Variants in ZNF30 observed in about 807,000 individuals in gnomAD.
ZNF30 encodes the protein zinc finger protein 30, also known as zinc finger protein 30 (KOX 28).
A neutral mutation model predicts 13.2 loss-of-function variants in ZNF30; 15 were observed. That is an observed-to-expected ratio of 1.13 (90% CI 0.76 to 1.75). The LOEUF is 1.75. Ranked by LOEUF, ZNF30 falls within the 40% of genes most tolerant of loss-of-function variation. ZNF30 has a pLI of 0.00. For synonymous variants in ZNF30, 223 were observed against 256.6 expected, an observed-to-expected ratio of 0.87 and a Z score of 1.25; for missense variants, 726 against 757.0, an observed-to-expected ratio of 0.96 and a Z score of 0.48.
upstream of ZNF30, among the ~76,000 whole-genome samples, chr19:34,924,063 A>G (rs889239204): frequency 9.9e-5 from 15 of 152,040 alleles, no homozygotes; most frequent in Non-Finnish European, 2.1e-4. Context: ...GTTTGTGAGT[A>G]TCCTTCCTCC....
At position 34,928,252 on chromosome 19, in the gene ZNF30, T is replaced by TATATAG. The variant is rs1325117057; in HGVS notation, c.-65+1039_-65+1040insTAGATA. 9.1e-3 allele frequency among the ~76,000 whole-genome samples: 510 copies of TATATAG among 56,292 alleles called. 6 individuals are homozygous for TATATAG. The highest frequency in any genetic ancestry group is 0.012 in the African/African-American group (102 of 8,834). The allele number at this position is 56,292 out of a possible 152,430, so 36.9% of individuals were successfully genotyped here. A position where few individuals can be genotyped will look rare whatever the true frequency, so the allele number is the denominator to read the frequency against. ...ATATATATATATATATATATATATATATAGATAGATAGATAGATAGATACA... is the reference window on the plus strand; with the variant it reads ...ATATATATATATATATATATATATATATATAGATAGATAGATAGATAGATAGATACA... On this transcript the variant is annotated intron_variant, in intron 1 of 4. Coordinates refer to ENST00000601142, the MANE Select transcript of ZNF30 (RefSeq NM_194325.3).
At position 34,944,109 on chromosome 19, in the gene ZNF30, C is replaced by T. The variant is rs367803603; in HGVS notation, c.1143C>T (p.Phe381=). 13 of 1,613,488 alleles carry T rather than the reference C, an allele frequency of 8.1e-6. No individual in the cohort carries two copies. Among genetic ancestry groups the T allele is most frequent in the African/African-American group, 1.3e-5 (1 of 74,848 alleles). ...PYGCKECGRT[F]SRASYLVQHG... is the part of the protein sequence containing the mutation. ...GATGCAAGGAATGCGGGAGAACCTT[C>T]AGTCGTGCCTCATATCTTGTTCAAC... is the stretch of plus-strand genomic sequence containing the variant. Residue 381 remains phenylalanine (F), a synonymous_variant, in exon 5 of 5, where the codon TTC becomes TTT. Transcript: ENST00000601142.
chr19:34,933,826 GC>G, intron 4 of ZNF30, 103 bp downstream of exon 4: 1 of 779,310 alleles, frequency 1.3e-6, no homozygotes, highest in Non-Finnish European at 2.1e-6. Flanking sequence ...TCCCTTCAAA[GC>G]CCTAGGGCCT....
chr19:34,928,239 A>C (rs1305310757), intron 1 of ZNF30, among the ~76,000 whole-genome samples: 1 of 79,382 alleles, frequency 1.3e-5, no homozygotes, highest in Non-Finnish European at 2.1e-5. Context: ...ATATATATAT[A>C]TATATATATA....
chr19:34,936,834 T>C (rs551199684), intron 4 of ZNF30, among the ~76,000 whole-genome samples: 12 of 152,066 alleles, frequency 7.9e-5, no homozygotes, highest in Admixed American at 2.0e-4. Context: ...AAGTCAAGGC[T>C]GCAGTGAGCT....
Position 34,944,865 on chromosome 19 carries a change from C to T in ZNF30, c.*27C>T, listed in dbSNP as rs373618138. The T allele has an allele frequency of 3.7e-5, 57 of 1,526,014 alleles. 1 individual carries two copies. In the East Asian group the frequency reaches 4.5e-4, roughly 12 times the overall value. The allele number at this position is 1,526,014 out of a possible 1,614,324, so 94.5% of individuals were successfully genotyped here. On this transcript the variant is annotated 3_prime_UTR_variant, in exon 5 of 5. Coordinates refer to ENST00000601142, the MANE Select transcript of ZNF30 (RefSeq NM_194325.3). ...AGTCTGAGGAGTGTGGGAAGTGCTT[C>T]GTGTGTGGCTCAAACATTGTTGAAC...
chr19:34,924,564 A>T (rs2012001902), upstream of ZNF30, among the ~76,000 whole-genome samples: 1 of 152,182 alleles, frequency 6.6e-6, no homozygotes, highest in African/African-American at 2.4e-5. Context: ...GGACTAGATG[A>T]GTCCTTATTT....
chr19:34,925,969 C>T (rs2012056948), upstream of ZNF30, among the ~76,000 whole-genome samples: 1 of 152,036 alleles, frequency 6.6e-6, no homozygotes, highest in African/African-American at 2.4e-5. Context: ...CCCAGGAGTT[C>T]GAGACTAGCC....
chr19:34,943,044 A>G (rs1429638480), intron 4 of ZNF30, among the ~76,000 whole-genome samples, 179 bp from the exon 5 acceptor site: 1 of 148,924 alleles, frequency 6.7e-6, no homozygotes, highest in Non-Finnish European at 1.5e-5. Context: ...CAACCTTACT[A>G]TTTTACATAA....
chr19:34,935,681 GT>G (rs1371052540), intron 4 of ZNF30, among the ~76,000 whole-genome samples: 1 of 98,182 alleles, frequency 1.0e-5, no homozygotes, highest in Non-Finnish European at 2.2e-5. Context: ...ATGTAGTTTT[GT>G]TGTATATGTT....
chr19:34,928,220 A>AAAAAAAT (rs1555778254), intron 1 of ZNF30, among the ~76,000 whole-genome samples: 8 of 73,414 alleles, frequency 1.1e-4, no homozygotes, highest in Non-Finnish European at 2.0e-4. Context: ...AAAAAAAAAA[A>AAAAAAAT]ATATATATAT....
Position 34,944,675 on chromosome 19 carries a change from G to A in ZNF30, c.1709G>A (p.Cys570Tyr), listed in dbSNP as rs1568547363. The change falls in exon 5 of 5, where the codon TGT (cysteine) becomes TAT (tyrosine). Residue 570 changes from cysteine to tyrosine, a missense_variant. Transcript: ENST00000601142. Reference protein sequence around the residue: ...SVHTGEKPFECKECGKAFRLN... With the variant: ...SVHTGEKPFEYKECGKAFRLN... ...CACACTGGTGAGAAACCTTTTGAAT[G>A]TAAGGAATGCGGGAAGGCCTTTAGA... 1.2e-6 allele frequency: 2 copies of A among 1,612,618 alleles called. No individual in the cohort carries two copies. Among genetic ancestry groups the A allele is most frequent in the Non-Finnish European group, 8.5e-7 (1 of 1,178,844 alleles).
chr19:34,938,764 T>C (rs1044371464), intron 4 of ZNF30, among the ~76,000 whole-genome samples: 8 of 152,182 alleles, frequency 5.3e-5, no homozygotes, highest in African/African-American at 1.9e-4. Flanking sequence ...TCTATCTGTT[T>C]GGAAAATGCC....
chr19:34,928,223 ATATATATATATATAT>A (rs2012206467), intron 1 of ZNF30, among the ~76,000 whole-genome samples: 4 of 51,326 alleles, frequency 7.8e-5, no homozygotes, highest in Non-Finnish European at 1.4e-4. Flanking sequence ...AAAAAAAAAT[ATATATATATATATAT>A]ATATATATAT....
At chr19:34,941,506 G>C (rs953001146) in intron 4 of ZNF30, among the ~76,000 whole-genome samples, 1 of 152,146 alleles carries the variant, frequency 6.6e-6, no homozygotes, top group African/African-American at 2.4e-5. Flanking sequence ...TTCATGATCT[G>C]CCCACTGGTT....
intron 4 of ZNF30, among the ~76,000 whole-genome samples, chr19:34,937,651 T>C (rs2012812619): frequency 6.6e-6 from 1 of 151,908 alleles, no homozygotes; most frequent in Non-Finnish European, 1.5e-5. Context: ...GGAAAACTGC[T>C]TGAACCTAGG....
chr19:34,933,634 C>T lies in ZNF30; in HGVS notation c.167C>T (p.Ser56Phe). Residue 56 changes from serine to phenylalanine, a missense_variant, in exon 4 of 5, where the codon TCC becomes TTC. Transcript: ENST00000601142. ...ATTCTTATCTCATAAGCAGGACATTCCCGTTCTAAACCACATGTGATCGCC... is the reference window on the plus strand; with the variant it reads ...ATTCTTATCTCATAAGCAGGACATTTCCGTTCTAAACCACATGTGATCGCC... ...NYRNLVSMGHSRSKPHVIALL... is the reference protein window; with the variant it reads ...NYRNLVSMGHFRSKPHVIALL... 1 of 1,595,814 alleles carries T rather than the reference C, an allele frequency of 6.3e-7. No individual in the cohort carries two copies. The highest frequency in any genetic ancestry group is 2.2e-5 in the East Asian group (1 of 44,466).
chr19:34,931,961 T>G lies in ZNF30; in HGVS notation c.128T>G (p.Met43Arg). 6.2e-7 allele frequency: 1 copy of G among 1,603,358 alleles called. No individual in the cohort carries two copies. The highest frequency in any genetic ancestry group is 8.5e-7 in the Non-Finnish European group (1 of 1,176,622). ...SSQRGLYRDV[M>R]LENYRNLVSM... ...CAGAGGGGCTTGTACAGAGATGTGATGTTGGAGAACTACAGGAACTTGGTG... is the reference window on the plus strand; with the variant it reads ...CAGAGGGGCTTGTACAGAGATGTGAGGTTGGAGAACTACAGGAACTTGGTG... The change falls in exon 3 of 5, where the codon ATG becomes AGG. Residue 43 changes from methionine to arginine, a missense_variant. Coordinates refer to ENST00000601142, the MANE Select transcript of ZNF30 (RefSeq NM_194325.3).
chr19:34,937,124 G>A (rs2012781440), intron 4 of ZNF30, among the ~76,000 whole-genome samples: 2 of 152,070 alleles, frequency 1.3e-5, no homozygotes, highest in East Asian at 2.0e-4. Context: ...TGATTCTCCT[G>A]CCTCAGCCTC....
Sources: allele counts gnomAD v4.1 joint callset (sites outside exome capture counted in the v4.1 genomes callset), GRCh38; gene constraint gnomAD v4.1.1; transcripts MANE v1.5; gene names NCBI Gene and HGNC (gene_info 2026-07-23, HGNC 2026-07-21).